The following STK3 variants were observed in gnomAD, a reference collection of about 807,000 sequenced individuals.
STK3 encodes the protein serine/threonine-protein kinase 3.
STK3 carries 41 observed loss-of-function variants against 58.0 expected under a neutral mutation model. That is an observed-to-expected ratio of 0.71 (90% CI 0.55 to 0.92). The LOEUF is 0.92. Among genes scored for constraint, STK3 ranks in the 40% least tolerant of loss-of-function variants. The pLI, the probability that STK3 is intolerant of heterozygous loss-of-function variation, is 0.00. For synonymous variants in STK3, 170 were observed against 191.0 expected (o/e 0.89, Z 0.91); for missense variants, 479 against 602.7 (o/e 0.79, Z 2.15).
chr8:98,357,116 C>T, the STK3 span, among the ~76,000 whole-genome samples: 14 of 152,112 alleles, frequency 9.2e-5, no homozygotes, highest in Non-Finnish European at 1.0e-4. Context: ...CCTTCATGCC[C>T]TGAGCTTAAG....
At chr8:98,404,014 CA>C (rs1302480873) in intron 3 of STK3, among the ~76,000 whole-genome samples, 1 of 152,208 alleles carries the variant, frequency 6.6e-6, no homozygotes, top group African/African-American at 2.4e-5. Flanking sequence ...GGTGGCAGGT[CA>C]AACCCCCACA....
At chr8:98,384,983 T>G (rs762193074) in intron 1 of STK3, among the ~76,000 whole-genome samples, 1 of 152,112 alleles carries the variant, frequency 6.6e-6, no homozygotes, top group Non-Finnish European at 1.5e-5. Context: ...TCTTTCACCT[T>G]ATGGCCCTCC....
chr8:98,446,119 T>C (rs1006825481), intron 1 of STK3, among the ~76,000 whole-genome samples: 1 of 152,252 alleles, frequency 6.6e-6, no homozygotes, highest in African/African-American at 2.4e-5. Flanking sequence ...TCTTTATATA[T>C]GCTTTGCCCT....
intron 6 of STK3, among the ~76,000 whole-genome samples, chr8:98,701,567 C>G (rs1461465311): frequency 6.6e-6 from 1 of 151,382 alleles, no homozygotes; most frequent in African/African-American, 2.4e-5. Context: ...GAGGTTGCAG[C>G]AAGCCAAGAC....
chr8:98,358,534 T>C, the STK3 span, among the ~76,000 whole-genome samples: 4 of 152,132 alleles, frequency 2.6e-5, no homozygotes, highest in Non-Finnish European at 4.4e-5. Flanking sequence ...AGGAATCTAT[T>C]TCCAGGGATG....
intron 1 of STK3, among the ~76,000 whole-genome samples, chr8:98,816,007 T>C (rs1214504113): frequency 1.3e-5 from 2 of 152,050 alleles, no homozygotes; most frequent in African/African-American, 4.8e-5. Flanking sequence ...TATATCACAA[T>C]GCCTAAGGGA....
At chr8:98,435,932 G>A (rs1818469212) in intron 2 of STK3, among the ~76,000 whole-genome samples, 1 of 152,120 alleles carries the variant, frequency 6.6e-6, no homozygotes, top group Non-Finnish European at 1.5e-5. Context: ...GAGAAATCCT[G>A]AGGGGGTGAT....
chr8:98,641,385 C>T (rs1049077260), intron 6 of STK3, among the ~76,000 whole-genome samples: 2 of 152,150 alleles, frequency 1.3e-5, no homozygotes, highest in African/African-American at 2.4e-5. Context: ...ATCAGTTCTA[C>T]ACCATTTTGT....
At chr8:98,452,889 T>C (rs561894150), downstream of STK3, among the ~76,000 whole-genome samples, 1 of 150,618 alleles carries the variant, frequency 6.6e-6, no homozygotes, top group African/African-American at 2.4e-5. Context: ...GCCTCCCAAG[T>C]AGCTGGGATT....
chr8:98,637,884 C>A (rs911375811), intron 6 of STK3, among the ~76,000 whole-genome samples: 6 of 152,088 alleles, frequency 3.9e-5, no homozygotes, highest in Admixed American at 1.3e-4. Flanking sequence ...ATATGACAAA[C>A]TAAGTAATAG....
At chr8:98,842,978 C>T (rs950439201) in intron 3 of STK3, among the ~76,000 whole-genome samples, 3 of 151,940 alleles carry the variant, frequency 2.0e-5, no homozygotes, top group Non-Finnish European at 4.4e-5. Flanking sequence ...ATCATGCTAC[C>T]ATGTACTCCA....
At chr8:98,696,262 A>C (rs569886559) in intron 6 of STK3, among the ~76,000 whole-genome samples, 2 of 152,288 alleles carry the variant, frequency 1.3e-5, no homozygotes, top group African/African-American at 4.8e-5. Context: ...TTGGGCTGAG[A>C]CAATGGGGTT....
At chr8:98,753,894 G>A (rs1447553569) in intron 3 of STK3, among the ~76,000 whole-genome samples, 2 of 152,084 alleles carry the variant, frequency 1.3e-5, no homozygotes, top group Non-Finnish European at 1.5e-5. Context: ...TTTCTCCCCT[G>A]TTCTAGTCTA....
chr8:98,712,674 C>A (rs1428669648), intron 4 of STK3, among the ~76,000 whole-genome samples: 3 of 152,002 alleles, frequency 2.0e-5, no homozygotes, highest in African/African-American at 4.8e-5. Flanking sequence ...GACTCCCACA[C>A]AATAATAATG....
intron 9 of STK3, among the ~76,000 whole-genome samples, chr8:98,528,676 G>A (rs558933389): frequency 1.3e-5 from 2 of 151,978 alleles, no homozygotes; most frequent in South Asian, 2.1e-4. Flanking sequence ...AGTAGAGATG[G>A]GGTTTCTCCA....
chr8:98,569,815 T>C (rs1001142203), intron 8 of STK3, among the ~76,000 whole-genome samples: 3 of 151,510 alleles, frequency 2.0e-5, no homozygotes, highest in African/African-American at 7.3e-5. Context: ...AATAATTTTA[T>C]CTGAAATATT....
chr8:98,415,432 G>A (rs1456141930), intron 3 of STK3, among the ~76,000 whole-genome samples: 2 of 152,112 alleles, frequency 1.3e-5, no homozygotes, highest in East Asian at 3.8e-4. Flanking sequence ...TATAATGAGT[G>A]GTTTCCTGAT....
intron 6 of STK3, among the ~76,000 whole-genome samples, chr8:98,688,151 C>A (rs771661923): frequency 6.6e-6 from 1 of 151,950 alleles, no homozygotes. Context: ...TTTAAACAAA[C>A]GACTGTAAAA....
intron 3 of STK3, among the ~76,000 whole-genome samples, chr8:98,852,256 T>C (rs1409434967): frequency 6.6e-6 from 1 of 152,012 alleles, no homozygotes; most frequent in Non-Finnish European, 1.5e-5. Context: ...TGTCTCAGCC[T>C]CCCGAGCAGC....
Sources: gnomAD v4.1 joint callset for allele counts (sites outside exome capture counted in the v4.1 genomes callset) on GRCh38, gnomAD v4.1.1 for gene constraint, MANE v1.5 for transcripts, NCBI Gene and HGNC (gene_info 2026-07-23, HGNC 2026-07-21) for gene names.